Variants in CUX1 observed in about 807,000 individuals in gnomAD.
The protein encoded by CUX1 is protein CASP.
Under a neutral mutation model 158.8 loss-of-function variants are expected in CUX1, and 31 were observed. The observed-to-expected ratio is 0.20, with a 90% confidence interval of 0.15 to 0.26. CUX1 has a LOEUF of 0.26. Ranked by LOEUF, CUX1 falls within the 10% of genes least tolerant of loss-of-function variation. CUX1 has a pLI of 1.00. For synonymous variants in CUX1, 879 were observed against 862.1 expected (o/e 1.02, Z -0.34); for missense variants, 1,589 against 2,014.6 (o/e 0.79, Z 4.04).
intron 2 of CUX1, among the ~76,000 whole-genome samples, chr7:102,022,355 C>T (rs945438931): frequency 5.3e-5 from 8 of 152,224 alleles, no homozygotes; most frequent in African/African-American, 1.2e-4. Context: ...CAGTAGCACA[C>T]GCCTGTAATC....
chr7:102,275,384 A>G (rs1554547540), intron 17 of CUX1: 2 of 1,578,106 alleles, frequency 1.3e-6, no homozygotes, highest in African/African-American at 2.7e-5. Context: ...TCTCTCCCTG[A>G]TGCTCCTTGG....
chr7:102,265,213 G>A (rs572726767), intron 14 of CUX1, among the ~76,000 whole-genome samples: 22 of 151,866 alleles, frequency 1.4e-4, no homozygotes, highest in Non-Finnish European at 2.4e-4. Context: ...AAAATTAGCC[G>A]GGCATGGTAG....
chr7:102,087,905 A>C lies in CUX1; in HGVS notation c.269-9459A>C, dbSNP rs181838921. Among the ~76,000 whole-genome samples, 3 of 152,184 alleles carry C rather than the reference A, an allele frequency of 2.0e-5. No homozygotes were observed. In the East Asian group the frequency reaches 5.8e-4, roughly 29 times the overall value. On this transcript the variant is annotated intron_variant, in intron 4 of 23. Transcript: ENST00000292535. ...ACGTGAAATCATTTTCTTTTGGTCT[A>C]TAGATCTCCTTTTAACATTTATTAT...
chr7:102,083,768 G>A lies in CUX1; in HGVS notation c.268+13351G>A, dbSNP rs1025811229. ...AGTTCATCTTTAATTTCTCTGAGCA[G>A]TATTTTACAGTTTTGATGTATAAAC... On this transcript the variant is annotated intron_variant, in intron 4 of 23. Coordinates refer to ENST00000292535, the MANE Select transcript of CUX1 (RefSeq NM_181552.4). Among the ~76,000 whole-genome samples, 12 of 146,750 alleles carry A rather than the reference G, an allele frequency of 8.2e-5. 2 individuals are homozygous for A. The highest frequency in any genetic ancestry group is 1.5e-4 in the Non-Finnish European group (10 of 65,140).
intron 8 of CUX1, among the ~76,000 whole-genome samples, chr7:102,140,823 C>A (rs1385289564): frequency 6.6e-6 from 1 of 151,726 alleles, no homozygotes; most frequent in African/African-American, 2.4e-5. Flanking sequence ...CAAGATCATG[C>A]CACTGTACTC....
chr7:101,880,476 T>C (rs1799600039), intron 1 of CUX1, among the ~76,000 whole-genome samples: 1 of 152,106 alleles, frequency 6.6e-6, no homozygotes. Flanking sequence ...TCACGTTGGC[T>C]CCTGGCTGTA....
chr7:102,156,634 A>G (rs113156181), intron 8 of CUX1, among the ~76,000 whole-genome samples: 5 of 152,260 alleles, frequency 3.3e-5, no homozygotes, highest in Admixed American at 2.0e-4. Context: ...GAGACAAACC[A>G]TAGCAGGGTG....
At chr7:102,011,812 C>A (rs1818064045) in intron 2 of CUX1, among the ~76,000 whole-genome samples, 1 of 152,180 alleles carries the variant, frequency 6.6e-6, no homozygotes, top group Admixed American at 6.5e-5. Flanking sequence ...TATTATCTTA[C>A]TTAGACACTT....
intron 3 of CUX1, among the ~76,000 whole-genome samples, chr7:102,029,362 C>T (rs1043027530): frequency 2.6e-5 from 4 of 151,774 alleles, no homozygotes; most frequent in South Asian, 2.1e-4. Context: ...GAGATATGGC[C>T]GTGAGATACA....
In CUX1 at chr7:102,196,808, C is replaced by A; in HGVS notation, c.1397C>A (p.Ala466Glu). Reference protein sequence around the residue: ...LSQDFFSSSLASPSLPLASTG... With the variant: ...LSQDFFSSSLESPSLPLASTG... ...CAAGACTTTTTCAGCTCATCCCTGGCAAGCCCCAGCCTACCCCTGGCTTCT... is the reference window on the plus strand; with the variant it reads ...CAAGACTTTTTCAGCTCATCCCTGGAAAGCCCCAGCCTACCCCTGGCTTCT... Residue 466 changes from alanine (A) to glutamate (E), a missense_variant, in exon 15 of 24, where the codon GCA becomes GAA. Around this residue, in one of 8 missense-constraint regions of CUX1, gnomAD observed 515 missense variants for 574.4 expected, o/e 0.90. Transcript: ENST00000292535. 1 of 1,614,202 alleles carries A rather than the reference C, an allele frequency of 6.2e-7. No homozygotes were observed. Among genetic ancestry groups the A allele is most frequent in the Non-Finnish European group, 8.5e-7 (1 of 1,180,042 alleles).
intron 9 of CUX1, among the ~76,000 whole-genome samples, chr7:102,161,879 G>A (rs1430369980): frequency 1.3e-5 from 2 of 152,232 alleles, no homozygotes; most frequent in African/African-American, 4.8e-5. Context: ...AAGTGCTGGG[G>A]TTACAGGCAA....
At chr7:101,940,113 G>A (rs969374027) in intron 2 of CUX1, among the ~76,000 whole-genome samples, 3 of 150,536 alleles carry the variant, frequency 2.0e-5, no homozygotes, top group Admixed American at 2.0e-4. Context: ...GGTGGTGTAA[G>A]CCTGTGGTCC....
At chr7:102,282,404 A>T (rs712841) in intron 21 of CUX1, among the ~76,000 whole-genome samples, 38,654 of 151,854 alleles carry the variant, frequency 0.25, 5,325 homozygotes, top group East Asian at 0.49. Context: ...AGCCTTGGGG[A>T]CTCCTGTCCC....
chr7:102,237,482 A>G lies in CUX1; in HGVS notation c.3623-1838A>G, dbSNP rs782692626. ...ATTTTTTTTGAGACAGGGTCTCTCTATGTTCTCCAGGCTGGTCTCAAACTC... is the reference window on the plus strand; with the variant it reads ...ATTTTTTTTGAGACAGGGTCTCTCTGTGTTCTCCAGGCTGGTCTCAAACTC... On this transcript the variant is annotated intron_variant, in intron 22 of 23. Coordinates refer to ENST00000292535, the MANE Select transcript of CUX1 (RefSeq NM_181552.4). Among the ~76,000 whole-genome samples the G allele has an allele frequency of 7.2e-5, 11 of 152,104 alleles. No individual in the cohort carries two copies. In the South Asian group the frequency reaches 1.0e-3, roughly 14 times the overall value.
At chr7:102,032,772 A>T (rs1820942501) in intron 3 of CUX1, among the ~76,000 whole-genome samples, 1 of 152,244 alleles carries the variant, frequency 6.6e-6, no homozygotes, top group Non-Finnish European at 1.5e-5. Flanking sequence ...CTGAAATTAG[A>T]TATCGATTGA....
At chr7:102,269,820 C>T (rs1206628317) in intron 14 of CUX1, among the ~76,000 whole-genome samples, 1 of 90,520 alleles carries the variant, frequency 1.1e-5, no homozygotes, top group East Asian at 6.7e-4. Context: ...TTCTTCCATG[C>T]CCCCCCCAAA....
At chr7:101,913,207 C>G (rs1803697559) in intron 1 of CUX1, 1 of 336,574 alleles carries the variant, frequency 3.0e-6, no homozygotes, top group African/African-American at 2.2e-5. Context: ...TAAATCTGAT[C>G]AACCCAATCT....
Position 101,916,571 on chromosome 7 carries a change from A to C in CUX1, c.141+346A>C. On this transcript the variant is annotated intron_variant, in intron 2 of 23. Transcript: ENST00000292535. This position sits in a 1 kb window ranked among gnomAD's most constrained non-coding sequence, Gnocchi z 4.4. The stretch of plus-strand genomic sequence containing the variant: ...CCTGTCCCATGTCAGTTAGCAAGCC[A>C]CCAAAGTCCATAAGGGATCCTGTGG... 3.8e-6 allele frequency: 1 copy of C among 261,480 alleles called. No individual in the cohort carries two copies. Among genetic ancestry groups the C allele is most frequent in the Non-Finnish European group, 7.9e-6 (1 of 127,386 alleles). The allele number at this position is 261,480 out of a possible 1,614,324, so 16.2% of individuals were successfully genotyped here. A position where few individuals can be genotyped will look rare whatever the true frequency, so the allele number is the denominator to read the frequency against.
chr7:102,264,162 C>T lies in CUX1; in HGVS notation c.1256-9204C>T, dbSNP rs1410300115. Among the ~76,000 whole-genome samples, 17 of 150,708 alleles carry T rather than the reference C, an allele frequency of 1.1e-4. No individual in the cohort carries two copies. In the East Asian group the frequency reaches 2.9e-3, roughly 26 times the overall value. On this transcript the variant is annotated intron_variant, in intron 14 of 22. Coordinates refer to the CUX1 transcript ENST00000292538. Reference sequence around the variant, plus strand: ...CTGGGATTACAGGCGCCCACCACCGCGCCCGGCTAATTTTTGTATTTTTAG... The same window carrying T: ...CTGGGATTACAGGCGCCCACCACCGTGCCCGGCTAATTTTTGTATTTTTAG...
Sources: gnomAD v4.1 joint callset for allele counts (sites outside exome capture counted in the v4.1 genomes callset) on GRCh38, gnomAD v4.1.1 for gene constraint, gnomAD v4.1.1 regional missense constraint, Gnocchi (gnomAD v3.1) non-coding constraint, MANE v1.5 for transcripts, NCBI Gene and HGNC (gene_info 2026-07-23, HGNC 2026-07-21) for gene names.